Variants in DSG3 observed in about 807,000 individuals in gnomAD.
The protein encoded by DSG3 is desmoglein-3.
Under a neutral mutation model 85.9 loss-of-function variants are expected in DSG3, and 63 were observed. The observed-to-expected ratio is 0.73, with a 90% CI of 0.60 to 0.90. DSG3 has a LOEUF of 0.90. DSG3 is among the 40% of genes least tolerant of loss of function. The probability of loss-of-function intolerance (pLI) is 0.00; values close to 1 mark genes in which losing one functional copy is unlikely to be tolerated. For missense variants in DSG3, 1,220 were observed against 1,219.9 expected, an observed-to-expected ratio of 1.00 and a Z score of 0.00; for synonymous variants, 447 against 441.9, an observed-to-expected ratio of 1.01 and a Z score of -0.14.
rs1333954664 is a variant in DSG3, at chr18:31,460,022, G to A, written c.684+11G>A. The A allele has an allele frequency of 1.2e-6, 2 of 1,603,764 alleles. No individual in the cohort carries two copies. The highest frequency in any genetic ancestry group is 8.5e-7 in the Non-Finnish European group (1 of 1,174,390). Reference sequence around the variant, plus strand: ...TCTCTTGACCGAGAGGTACAGCAAAGCACTTGGGGGAACATTCAAGATTAA... The same window carrying A: ...TCTCTTGACCGAGAGGTACAGCAAAACACTTGGGGGAACATTCAAGATTAA... On this transcript the variant is annotated intron_variant, in intron 6 of 15. Transcript: ENST00000257189.
rs1438592050 is a variant in DSG3, at chr18:31,476,291, A to G, written c.*31A>G. 1.3e-6 allele frequency: 2 copies of G among 1,567,146 alleles called. No individual in the cohort carries two copies. The highest frequency in any genetic ancestry group is 8.6e-7 in the Non-Finnish European group (1 of 1,157,268). ...ATGAGCTGGAATACCACACTGACCAAATCTGGATCTTTGGACTAAAGTATT... is the reference window on the plus strand; with the variant it reads ...ATGAGCTGGAATACCACACTGACCAGATCTGGATCTTTGGACTAAAGTATT... On this transcript the variant is annotated 3_prime_UTR_variant, in exon 16 of 16. Transcript: ENST00000257189.
rs1464705370 is a variant in DSG3 at position 31,465,383 on chromosome 18, T to C, written c.1337T>C (p.Phe446Ser). The change falls in exon 10 of 16, where the codon TTT becomes TCT. Residue 446 changes from phenylalanine to serine, a missense_variant. Coordinates refer to ENST00000257189, the MANE Select transcript of DSG3 (RefSeq NM_001944.3). Reference sequence around the variant, plus strand: ...GATTCAAAAACTGCTGAAATCAAATTTGTCAAAAATATGAACCGAGATTCT... The same window carrying C: ...GATTCAAAAACTGCTGAAATCAAATCTGTCAAAAATATGAACCGAGATTCT... ...MIDSKTAEIK[F>S]VKNMNRDSTF... The C allele has an allele frequency of 1.6e-5, 25 of 1,549,546 alleles. No homozygotes were observed. Among genetic ancestry groups the C allele is most frequent in the Non-Finnish European group, 2.2e-5 (25 of 1,148,260 alleles).
chr18:31,473,894 A>C (rs1041648120), intron 14 of DSG3, among the ~76,000 whole-genome samples: 1 of 152,152 alleles, frequency 6.6e-6, no homozygotes, highest in Admixed American at 6.5e-5. Flanking sequence ...TTCTTTGTAC[A>C]CTTTTAAAAT....
chr18:31,474,498 A>G, intron 15 of DSG3, 94 bp downstream of exon 15: 2 of 1,412,404 alleles, frequency 1.4e-6, no homozygotes, highest in Non-Finnish European at 1.9e-6. Context: ...GTTTTTATTT[A>G]CAGCTTGTTA....
intron 2 of DSG3, 129 bp from the exon 3 acceptor site, chr18:31,456,864 T>A: frequency 1.2e-6 from 1 of 842,120 alleles, no homozygotes; most frequent in Non-Finnish European, 1.8e-6. Context: ...CAGGTAGAGC[T>A]AATTAGATAC....
At position 31,476,188 on chromosome 18, in the gene DSG3, A is replaced by G. The variant is rs1368877892; in HGVS notation, c.2928A>G (p.Leu976=). Residue 976 remains leucine (L), a synonymous_variant, in exon 16 of 16, where the codon CTA becomes CTG. Coordinates refer to ENST00000257189, the MANE Select transcript of DSG3 (RefSeq NM_001944.3). ...CCATTTCCAGTGTTCCTGGCAACCT[A>G]GCTGGCCCAACGCAGCTACGAGGGT... is the stretch of plus-strand genomic sequence containing the variant. ...ICPISSVPGN[L]AGPTQLRGSH... is the part of the protein sequence containing the mutation. The G allele has an allele frequency of 3.7e-6, 6 of 1,614,206 alleles. No individual in the cohort carries two copies. The highest frequency in any genetic ancestry group is 4.2e-6 in the Non-Finnish European group (5 of 1,180,042).
chr18:31,454,341 T>C (rs8094212), intron 1 of DSG3, among the ~76,000 whole-genome samples: 31,971 of 152,206 alleles, frequency 0.21, 3,438 homozygotes, highest in South Asian at 0.34. Context: ...ATCTGGTCTT[T>C]TCTACCAAGT....
chr18:31,452,913 G>T (rs1315323899), intron 1 of DSG3, among the ~76,000 whole-genome samples: 2 of 152,034 alleles, frequency 1.3e-5, no homozygotes, highest in African/African-American at 4.8e-5. Context: ...TTAGCATTCT[G>T]TCATGATACA....
Position 31,472,381 on chromosome 18 carries a change from A to G in DSG3, c.1995A>G (p.Thr665=), listed in dbSNP as rs757811547. The G allele has an allele frequency of 5.0e-6, 8 of 1,614,156 alleles. No individual in the cohort carries two copies. The highest frequency in any genetic ancestry group is 6.8e-6 in the Non-Finnish European group (8 of 1,180,020). The stretch of plus-strand genomic sequence containing the variant: ...CAGTTCCTGATGGCTCAGAAGGAAC[A>G]ATTCATCAGTGGGGAATTGAAGGAG... ...FIPVPDGSEG[T]IHQWGIEGAH... The change falls in exon 13 of 16, where the codon ACA becomes ACG. Residue 665 remains threonine (T), a synonymous_variant. Coordinates refer to ENST00000257189, the MANE Select transcript of DSG3 (RefSeq NM_001944.3).
intron 2 of DSG3, 88 bp from the exon 3 acceptor site, chr18:31,456,905 G>T: frequency 1.5e-6 from 2 of 1,344,096 alleles, no homozygotes; most frequent in Non-Finnish European, 2.0e-6. Context: ...GAAACATAGG[G>T]GGTTCCTCAA....
intron 1 of DSG3, among the ~76,000 whole-genome samples, chr18:31,453,920 T>C (rs1164593214): frequency 6.6e-6 from 1 of 152,000 alleles, no homozygotes; most frequent in Non-Finnish European, 1.5e-5. Flanking sequence ...ATTTTGTCAA[T>C]GAAAATAGAT....
At chr18:31,472,181 T>C in intron 12 of DSG3, 103 bp from the exon 13 acceptor site, 1 of 1,536,250 alleles carries the variant, frequency 6.5e-7, no homozygotes, top group East Asian at 2.3e-5. Flanking sequence ...TCTACAAATA[T>C]TTAAGATACT....
Position 31,474,217 on chromosome 18 carries a change from G to A in DSG3, c.2198G>A (p.Gly733Asp). ...TKLGAATESG[G>D]AAGFATGTVS... ...CTTGGAGCAGCCACTGAATCTGGAG[G>A]TGCTGCAGGCTTTGCAACAGGGACA... is the stretch of plus-strand genomic sequence containing the variant. Residue 733 changes from glycine to aspartate, a missense_variant, in exon 15 of 16, where the codon GGT (glycine) becomes GAT (aspartate). Transcript: ENST00000257189. 2 of 1,614,218 alleles carry A rather than the reference G, an allele frequency of 1.2e-6. No homozygotes were observed. The highest frequency in any genetic ancestry group is 1.7e-6 in the Non-Finnish European group (2 of 1,180,032).
At chr18:31,474,570 G>C (rs1245919777) in intron 15 of DSG3, among the ~76,000 whole-genome samples, 166 bp downstream of exon 15, 1 of 152,110 alleles carries the variant, frequency 6.6e-6, no homozygotes, top group Non-Finnish European at 1.5e-5. Context: ...ACCTAAGGTA[G>C]CTGTCAAAAT....
intron 1 of DSG3, 151 bp downstream of exon 1, chr18:31,448,076 T>G: frequency 2.1e-6 from 1 of 485,952 alleles, no homozygotes; most frequent in South Asian, 8.7e-5. Flanking sequence ...AGATTACCAA[T>G]TTCCTTCTTT....
intron 1 of DSG3, among the ~76,000 whole-genome samples, 166 bp downstream of exon 1, chr18:31,448,091 GT>G (rs901969436): frequency 5.0e-5 from 6 of 120,400 alleles, no homozygotes; most frequent in African/African-American, 2.8e-4. Flanking sequence ...TTCTTTTGTT[GT>G]TTTTTATGTT....
At position 31,469,129 on chromosome 18, in the gene DSG3, T is replaced by C; in HGVS notation, c.1677T>C (p.Pro559=). 1 of 1,614,232 alleles carries C rather than the reference T, an allele frequency of 6.2e-7. No individual in the cohort carries two copies. The highest frequency in any genetic ancestry group is 2.2e-5 in the East Asian group (1 of 44,886). The change falls in exon 12 of 16, where the codon CCT becomes CCC. Residue 559 remains proline (P), a synonymous_variant. Coordinates refer to ENST00000257189, the MANE Select transcript of DSG3 (RefSeq NM_001944.3). ...ALLRAQEQIP[P]GVYHISLVLT... ...TCAGAGCCCAGGAACAGATACCTCC[T>C]GGAGTATACCACATCTCCCTGGTAC... is the stretch of plus-strand genomic sequence containing the variant.
At chr18:31,470,246 A>C (rs185671499) in intron 12 of DSG3, among the ~76,000 whole-genome samples, 1 of 152,166 alleles carries the variant, frequency 6.6e-6, no homozygotes, top group Admixed American at 6.5e-5. Flanking sequence ...AAAATTAATT[A>C]TATGATTATT....
Position 31,461,077 on chromosome 18 carries a change from A to G in DSG3, c.813+116A>G, listed in dbSNP as rs534065658. On this transcript the variant is annotated intron_variant, in intron 7 of 15. Transcript: ENST00000257189. ...TTAAGTTCTCTGCACTTATCTTTAA[A>G]GAAATATGCTTTTTAAAAAATATAA... The G allele has an allele frequency of 3.7e-5, 47 of 1,271,216 alleles. No individual in the cohort carries two copies. The African/African-American group carries it at 6.5e-4, about 18-fold the overall frequency. The allele number at this position is 1,271,216 out of a possible 1,614,324, so 78.7% of individuals were successfully genotyped here.
Sources: allele counts gnomAD v4.1 joint callset (sites outside exome capture counted in the v4.1 genomes callset), GRCh38; gene constraint gnomAD v4.1.1; transcripts MANE v1.5; gene names NCBI Gene and HGNC (gene_info 2026-07-23, HGNC 2026-07-21).